SLC14A2: variants seen among roughly 807,000 people sequenced by gnomAD.
The protein encoded by SLC14A2 is solute carrier family 14 member 2.
Under a neutral mutation model 104.6 loss-of-function variants are expected in SLC14A2, and 91 were observed. The ratio of observed to expected loss-of-function variants is 0.87; its 90% CI spans 0.73 to 1.04. The LOEUF is 1.04. SLC14A2 is among the 50% of genes least tolerant of loss of function. The pLI is 0.00. For synonymous variants in SLC14A2, 476 were observed against 466.4 expected, an observed-to-expected ratio of 1.02 and a Z score of -0.27; for missense variants, 1,189 against 1,156.0, an observed-to-expected ratio of 1.03 and a Z score of -0.41.
chr18:45,278,719 A>G (rs2144136588), intron 1 of SLC14A2, among the ~76,000 whole-genome samples: 1 of 152,252 alleles, frequency 6.6e-6, no homozygotes, highest in Middle Eastern at 3.4e-3. Flanking sequence ...ACATCCACAA[A>G]TACTATATTT....
At chr18:45,457,167 T>A (rs1050216504) in intron 1 of SLC14A2, among the ~76,000 whole-genome samples, 1 of 152,226 alleles carries the variant, frequency 6.6e-6, no homozygotes, top group Non-Finnish European at 1.5e-5. Flanking sequence ...AAGGTTTTTT[T>A]AATATTTAAT....
chr18:45,598,117 T>C (rs1212198224), intron 2 of SLC14A2, among the ~76,000 whole-genome samples: 3 of 152,190 alleles, frequency 2.0e-5, no homozygotes, highest in African/African-American at 7.2e-5. Context: ...AGCTCACACG[T>C]ACTGTACTGT....
At chr18:45,470,172 C>A (rs1035096845) in intron 1 of SLC14A2, among the ~76,000 whole-genome samples, 1 of 152,108 alleles carries the variant, frequency 6.6e-6, no homozygotes, top group Non-Finnish European at 1.5e-5. Flanking sequence ...ATGTTTAGAT[C>A]ATCATTGCAG....
At chr18:45,601,756 T>C (rs1040212631) in intron 2 of SLC14A2, among the ~76,000 whole-genome samples, 1 of 152,246 alleles carries the variant, frequency 6.6e-6, no homozygotes, top group Non-Finnish European at 1.5e-5. Context: ...TTAATAAGCA[T>C]TGACTTGAAG....
chr18:45,414,757 A>ATAT (rs1555684043), intron 1 of SLC14A2, among the ~76,000 whole-genome samples: 3 of 76,104 alleles, frequency 3.9e-5, no homozygotes, highest in African/African-American at 7.7e-5. Flanking sequence ...AAAAAAAAAA[A>ATAT]ATATATATAT....
intron 1 of SLC14A2, among the ~76,000 whole-genome samples, chr18:45,343,092 C>G (rs1336231823): frequency 6.6e-6 from 1 of 151,976 alleles, no homozygotes; most frequent in Non-Finnish European, 1.5e-5. Flanking sequence ...GGTGGCACAA[C>G]CTACCTGAGT....
At chr18:45,580,305 C>A (rs991110878) in intron 2 of SLC14A2, among the ~76,000 whole-genome samples, 14 of 152,128 alleles carry the variant, frequency 9.2e-5, no homozygotes, top group African/African-American at 3.1e-4. Flanking sequence ...TTGAAAAAAA[C>A]AAATGTGGTC....
chr18:45,402,344 G>C (rs1169988363), intron 1 of SLC14A2, among the ~76,000 whole-genome samples: 1 of 152,148 alleles, frequency 6.6e-6, no homozygotes, highest in Non-Finnish European at 1.5e-5. Flanking sequence ...TAATCAGCCA[G>C]TTCGCCGATA....
intron 1 of SLC14A2, among the ~76,000 whole-genome samples, chr18:45,338,696 A>ACAAAAAAC (rs1568158046): frequency 1.7e-5 from 2 of 116,326 alleles, no homozygotes; most frequent in African/African-American, 5.7e-5. Flanking sequence ...AAAAAAAAAA[A>ACAAAAAAC]AAAAAAAAAA....
chr18:45,500,466 A>G (rs1246402373), intron 2 of SLC14A2, among the ~76,000 whole-genome samples: 1 of 151,032 alleles, frequency 6.6e-6, no homozygotes, highest in Non-Finnish European at 1.5e-5. Context: ...AGTCCCAGCT[A>G]CTCGGGAGGC....
intron 1 of SLC14A2, among the ~76,000 whole-genome samples, chr18:45,346,204 G>A (rs113431054): frequency 1.2e-3 from 186 of 152,248 alleles, no homozygotes; most frequent in African/African-American, 4.3e-3. Flanking sequence ...TGCCTAGGCT[G>A]GAGTACAGTG....
intron 1 of SLC14A2, among the ~76,000 whole-genome samples, chr18:45,337,761 G>A (rs2144274056): frequency 6.6e-6 from 1 of 152,266 alleles, no homozygotes; most frequent in Non-Finnish European, 1.5e-5. Context: ...AGCATCACAT[G>A]ACAGATAGCT....
intron 1 of SLC14A2, among the ~76,000 whole-genome samples, chr18:45,478,225 T>G (rs551550643): frequency 6.6e-6 from 1 of 152,294 alleles, no homozygotes; most frequent in East Asian, 1.9e-4. Flanking sequence ...TGGCTTCCCT[T>G]GAATAGAAGA....
At chr18:45,614,130 A>T (rs983749229), upstream of SLC14A2, among the ~76,000 whole-genome samples, 2 of 152,220 alleles carry the variant, frequency 1.3e-5, no homozygotes, top group Admixed American at 6.5e-5. Flanking sequence ...AGCCATGGCT[A>T]AAAGGGGCCA....
chr18:45,528,155 T>C (rs1296921183), intron 2 of SLC14A2: 3 of 117,716 alleles, frequency 2.5e-5, no homozygotes, highest in African/African-American at 6.6e-5. Flanking sequence ...AAGTTACAAC[T>C]GTTCACAACA....
At chr18:45,197,018 G>A in the SLC14A2 span, among the ~76,000 whole-genome samples, 1 of 152,180 alleles carries the variant, frequency 6.6e-6, no homozygotes, top group Admixed American at 6.5e-5. Flanking sequence ...TACGAAGGAT[G>A]TGCTGGCTTC....
chr18:45,262,458 T>C (rs2084549030), intron 1 of SLC14A2, among the ~76,000 whole-genome samples: 2 of 152,184 alleles, frequency 1.3e-5, no homozygotes, highest in Admixed American at 6.5e-5. Flanking sequence ...GATGCTGCAG[T>C]CATCATTCTG....
At chr18:45,572,972 G>A (rs949441375) in intron 2 of SLC14A2, among the ~76,000 whole-genome samples, 1 of 152,162 alleles carries the variant, frequency 6.6e-6, no homozygotes, top group African/African-American at 2.4e-5. Context: ...CATGTTGGCA[G>A]TTAAAAAACC....
intron 1 of SLC14A2, among the ~76,000 whole-genome samples, chr18:45,375,838 C>G (rs1051472510): frequency 6.6e-6 from 1 of 152,200 alleles, no homozygotes; most frequent in Non-Finnish European, 1.5e-5. Context: ...CCTAGGTAGC[C>G]TCACCACTTT....
Sources: allele counts gnomAD v4.1 joint callset (sites outside exome capture counted in the v4.1 genomes callset), GRCh38; gene constraint gnomAD v4.1.1; transcripts MANE v1.5; gene names NCBI Gene and HGNC (gene_info 2026-07-23, HGNC 2026-07-21).